SLC30A7: variants seen among roughly 807,000 people sequenced by gnomAD.
SLC30A7 encodes the protein zinc transporter 7.
SLC30A7 carries 35 observed loss-of-function variants against 46.0 expected under a neutral mutation model. The ratio of observed to expected loss-of-function variants is 0.76; its 90% CI spans 0.58 to 1.01. The LOEUF (loss-of-function observed/expected upper bound fraction) is 1.01. SLC30A7 is among the 50% of genes least tolerant of loss of function. The pLI is 0.00. For synonymous variants in SLC30A7, 147 were observed against 157.8 expected, an observed-to-expected ratio of 0.93 and a Z score of 0.51; for missense variants, 464 against 451.1, an observed-to-expected ratio of 1.03 and a Z score of -0.26.
Position 100,899,837 on chromosome 1 carries a change from A to G in SLC30A7, c.182+3166A>G, listed in dbSNP as rs1651190190. 2.0e-5 allele frequency among the ~76,000 whole-genome samples: 3 copies of G among 149,642 alleles called. No individual in the cohort carries two copies. In the South Asian group the frequency reaches 6.3e-4, roughly 32 times the overall value. On this transcript the variant is annotated intron_variant, in intron 2 of 10. Coordinates refer to ENST00000357650, the MANE Select transcript of SLC30A7 (RefSeq NM_133496.5). ...TGTGCACATTTTTTTTTTTTTTAAG[A>G]TTTACCTGGATGCTAACACACAATG...
Position 100,911,033 on chromosome 1 carries a change from A to G in SLC30A7, c.297-30A>G, listed in dbSNP as rs775281708. 10 of 1,453,828 alleles carry G rather than the reference A, an allele frequency of 6.9e-6. No individual in the cohort carries two copies. In the South Asian group the frequency reaches 1.1e-4, roughly 15 times the overall value. The allele number at this position is 1,453,828 out of a possible 1,614,324, so 90.1% of individuals were successfully genotyped here. Reference sequence around the variant, plus strand: ...TTTAATTTTTAAGAAATAACATAATAATTCAGTTATTTACTTTGTTCCTCT... The same window carrying G: ...TTTAATTTTTAAGAAATAACATAATGATTCAGTTATTTACTTTGTTCCTCT... On this transcript the variant is annotated intron_variant, in intron 3 of 10. Transcript: ENST00000357650.
chr1:100,896,727 C>T (rs1428548679), intron 2 of SLC30A7, 56 bp downstream of exon 2: 4 of 1,469,522 alleles, frequency 2.7e-6, no homozygotes, highest in East Asian at 2.3e-5. Context: ...AGACGAAGCA[C>T]TGTTTGCTTA....
Position 100,950,246 on chromosome 1 carries a change from C to T in SLC30A7, c.843-11582C>T, listed in dbSNP as rs536254508. On this transcript the variant is annotated intron_variant, in intron 8 of 10. Transcript: ENST00000357650. ...ATCCTTTGGAAACATGAATTCCAGT[C>T]ATACCTCAGCAACTAAATATTTTAA... Among the ~76,000 whole-genome samples, 3 of 152,350 alleles carry T rather than the reference C, an allele frequency of 2.0e-5. No individual in the cohort carries two copies. In the East Asian group the frequency reaches 5.8e-4, roughly 29 times the overall value.
Position 100,974,874 on chromosome 1 carries a change from A to C in SLC30A7, c.*17A>C, listed in dbSNP as rs1400710367. The C allele has an allele frequency of 6.3e-7, 1 of 1,597,472 alleles. No homozygotes were observed. Among genetic ancestry groups the C allele is most frequent in the South Asian group, 1.1e-5 (1 of 89,060 alleles). On this transcript the variant is annotated 3_prime_UTR_variant, in exon 11 of 11. Transcript: ENST00000357650. ...GCCATGTAGTGAATGGAAAGAAATTATGCACCTTTTATGGACCAAATTTTT... is the reference window on the plus strand; with the variant it reads ...GCCATGTAGTGAATGGAAAGAAATTCTGCACCTTTTATGGACCAAATTTTT...
At chr1:100,963,448 C>G (rs1655664830) in intron 9 of SLC30A7, among the ~76,000 whole-genome samples, 1 of 152,044 alleles carries the variant, frequency 6.6e-6, no homozygotes, top group Admixed American at 6.6e-5. Context: ...TTGTTAAGAG[C>G]AATTTCATTG....
At position 100,901,400 on chromosome 1, in the gene SLC30A7, C is replaced by T. The variant is rs566684443; in HGVS notation, c.182+4729C>T. ...GCCATATATTCTATTGACATTTGTG[C>T]TGTTTTTGCTTCTGTATTTATGTAT... On this transcript the variant is annotated intron_variant, in intron 2 of 10. Coordinates refer to ENST00000357650, the MANE Select transcript of SLC30A7 (RefSeq NM_133496.5). Among the ~76,000 whole-genome samples the T allele has an allele frequency of 3.9e-5, 6 of 152,172 alleles. No individual in the cohort carries two copies. In the South Asian group the frequency reaches 1.0e-3, roughly 26 times the overall value.
chr1:100,950,554 T>A (rs1654898220), intron 8 of SLC30A7, among the ~76,000 whole-genome samples: 1 of 152,230 alleles, frequency 6.6e-6, no homozygotes, highest in Admixed American at 6.5e-5. Flanking sequence ...ACTTTCACAT[T>A]GTTTTCTATC....
chr1:100,923,085 G>A (rs1278060631), intron 8 of SLC30A7, among the ~76,000 whole-genome samples: 1 of 98,590 alleles, frequency 1.0e-5, no homozygotes, highest in African/African-American at 4.0e-5. Context: ...GCGCAATCTC[G>A]GCTCACTGCA....
At chr1:100,969,412 C>T (rs1328533400) in intron 10 of SLC30A7, among the ~76,000 whole-genome samples, 1 of 152,174 alleles carries the variant, frequency 6.6e-6, no homozygotes, top group Non-Finnish European at 1.5e-5. Context: ...TTCTAGGACA[C>T]TCCATATTCT....
chr1:100,990,651 C>T, the SLC30A7 span: 1 of 1,603,884 alleles, frequency 6.2e-7, no homozygotes, highest in Non-Finnish European at 8.5e-7. Flanking sequence ...AAAAAAGATA[C>T]TGCTATTCAA....
At chr1:100,969,370 C>T (rs1054464334) in intron 10 of SLC30A7, among the ~76,000 whole-genome samples, 1 of 152,006 alleles carries the variant, frequency 6.6e-6, no homozygotes, top group South Asian at 2.1e-4. Context: ...ATGCAATGTC[C>T]TTTTACCCTT....
chr1:100,986,036 AT>A (rs1439931332), downstream of SLC30A7, among the ~76,000 whole-genome samples: 5 of 152,238 alleles, frequency 3.3e-5, no homozygotes, highest in Admixed American at 3.3e-4. Flanking sequence ...ATCAAATAGG[AT>A]ATAAGAATGG....
rs115739098 is a variant in SLC30A7 at position 100,899,216 on chromosome 1, C to T, written c.182+2545C>T. Among the ~76,000 whole-genome samples the T allele has an allele frequency of 6.1e-3, 922 of 152,206 alleles. 6 individuals carry two copies. Among genetic ancestry groups the T allele is most frequent in the Admixed American group, 0.01 (160 of 15,288 alleles). ...TCTTTTCTATCTTATGCAGGCACTT[C>T]AGTACATAGCACATAGTGGATGCTT... On this transcript the variant is annotated intron_variant, in intron 2 of 10. Coordinates refer to ENST00000357650, the MANE Select transcript of SLC30A7 (RefSeq NM_133496.5).
intron 6 of SLC30A7, among the ~76,000 whole-genome samples, chr1:100,915,264 T>C (rs868409282): frequency 1.1e-4 from 15 of 139,536 alleles, no homozygotes; most frequent in African/African-American, 2.1e-4. Context: ...TTCCTTTCTT[T>C]CTTTCTTTCT....
rs1656443322 is a variant in SLC30A7, at chr1:100,975,814, C to G, written c.*957C>G. 1 of 146,578 alleles carries G rather than the reference C, an allele frequency of 6.8e-6. No homozygotes were observed. The highest frequency in any genetic ancestry group is 2.5e-5 in the African/African-American group (1 of 39,778). 9.1% of individuals were successfully genotyped at this position (146,578 alleles called of 1,614,324 possible). A position where few individuals can be genotyped will look rare whatever the true frequency, so the allele number is the denominator to read the frequency against. On this transcript the variant is annotated 3_prime_UTR_variant, in exon 11 of 11. Transcript: ENST00000357650. ...GTGCTGGGATTACAGGTGTGAGCCA[C>G]CACGCCCGGCTATGTTTTTTTTTTT...
the SLC30A7 span, chr1:100,995,206 A>C: frequency 8.1e-7 from 1 of 1,237,248 alleles, no homozygotes; most frequent in Non-Finnish European, 1.2e-6. Flanking sequence ...CCAAAACCCT[A>C]TGTGTAAACC....
chr1:100,941,718 A>G, intron 8 of SLC30A7: 2 of 642,322 alleles, frequency 3.1e-6, no homozygotes, highest in Admixed American at 1.8e-5. Flanking sequence ...CAACTCTTCC[A>G]TCCACCTTGT....
chr1:100,966,226 A>G (rs993116002), intron 10 of SLC30A7, among the ~76,000 whole-genome samples: 1 of 147,436 alleles, frequency 6.8e-6, no homozygotes, highest in Admixed American at 6.8e-5. Context: ...CCCTGTCTCA[A>G]AAAAAAAAAA....
intron 8 of SLC30A7, among the ~76,000 whole-genome samples, chr1:100,956,498 C>T (rs908701007): frequency 2.0e-5 from 3 of 152,058 alleles, no homozygotes; most frequent in African/African-American, 7.2e-5. Context: ...TTCTAGGTGA[C>T]TTATTAAGAG....
Sources: allele counts gnomAD v4.1 joint callset (sites outside exome capture counted in the v4.1 genomes callset), GRCh38; gene constraint gnomAD v4.1.1; transcripts MANE v1.5; gene names NCBI Gene and HGNC (gene_info 2026-07-23, HGNC 2026-07-21).